Variants in NRXN1 observed in about 807,000 individuals in gnomAD.
NRXN1 encodes the protein neurexin 1, also known as neurexin-1.
Under a neutral mutation model 150.9 loss-of-function variants are expected in NRXN1, and 39 were observed. That is an observed-to-expected ratio of 0.26 (90% CI 0.20 to 0.34). The LOEUF is 0.34. Ranked by LOEUF, NRXN1 falls within the 10% of genes least tolerant of loss-of-function variation. NRXN1 has a pLI of 1.00. For missense variants in NRXN1, 1,815 were observed against 1,949.9 expected (o/e 0.93, Z 1.30); for synonymous variants, 924 against 757.0 (o/e 1.22, Z -3.62).
At chr2:50,107,168 A>C (rs1346554171) in intron 18 of NRXN1, among the ~76,000 whole-genome samples, 1 of 151,916 alleles carries the variant, frequency 6.6e-6, no homozygotes, top group Non-Finnish European at 1.5e-5. Context: ...AGCCTTTCAA[A>C]GGTATTGTTG....
intron 8 of NRXN1, among the ~76,000 whole-genome samples, chr2:50,593,064 C>T (rs1418445685): frequency 2.0e-5 from 3 of 152,230 alleles, no homozygotes; most frequent in African/African-American, 7.2e-5. Flanking sequence ...TGATGCTCTG[C>T]TCTCAATCAC....
At chr2:50,943,146 G>A (rs1161310225) in intron 2 of NRXN1, among the ~76,000 whole-genome samples, 1 of 151,896 alleles carries the variant, frequency 6.6e-6, no homozygotes, top group African/African-American at 2.4e-5. Flanking sequence ...TACTTCCCCT[G>A]CACCTTCTGC....
At chr2:50,791,082 ATGT>A (rs560317543) in intron 5 of NRXN1, among the ~76,000 whole-genome samples, 1 of 148,376 alleles carries the variant, frequency 6.7e-6, no homozygotes, top group African/African-American at 2.5e-5. Context: ...AAGTGGATTT[ATGT>A]TGTTTTTTTT....
At chr2:50,965,241 T>C (rs951089084) in intron 2 of NRXN1, among the ~76,000 whole-genome samples, 1 of 151,444 alleles carries the variant, frequency 6.6e-6, no homozygotes, top group East Asian at 1.9e-4. Flanking sequence ...GCTATTTTTA[T>C]CTCAAGGAGA....
chr2:50,462,100 A>G (rs1411477942), intron 17 of NRXN1, among the ~76,000 whole-genome samples: 1 of 151,902 alleles, frequency 6.6e-6, no homozygotes, highest in Non-Finnish European at 1.5e-5. Flanking sequence ...ATATATTTGA[A>G]ATTCTTCTGC....
At chr2:50,221,063 A>G (rs1351712947) in intron 18 of NRXN1, among the ~76,000 whole-genome samples, 1 of 151,900 alleles carries the variant, frequency 6.6e-6, no homozygotes, top group African/African-American at 2.4e-5. Context: ...TTTGTATTGG[A>G]TACACCTATT....
At chr2:50,401,905 C>A (rs1427882276) in intron 17 of NRXN1, among the ~76,000 whole-genome samples, 1 of 152,026 alleles carries the variant, frequency 6.6e-6, no homozygotes, top group South Asian at 2.1e-4. Flanking sequence ...TTCCTGGAAG[C>A]CCTAGTTCAG....
At chr2:50,987,356 C>G (rs1358294835) in intron 2 of NRXN1, among the ~76,000 whole-genome samples, 1 of 151,888 alleles carries the variant, frequency 6.6e-6, no homozygotes, top group Non-Finnish European at 1.5e-5. Context: ...TTTTCTTCTT[C>G]TAGATATTCA....
intron 5 of NRXN1, among the ~76,000 whole-genome samples, chr2:50,825,321 C>CATTCAT (rs1301128350): frequency 6.6e-6 from 1 of 152,188 alleles, no homozygotes; most frequent in Non-Finnish European, 1.5e-5. Context: ...TGAATGTTTG[C>CATTCAT]TGGCTGGCAG....
intron 18 of NRXN1, among the ~76,000 whole-genome samples, chr2:50,226,626 T>C (rs908331071): frequency 6.6e-6 from 1 of 151,920 alleles, no homozygotes; most frequent in Non-Finnish European, 1.5e-5. Flanking sequence ...TAAGTCTAGA[T>C]TGTGCATACA....
At chr2:50,828,275 A>AC (rs759716124) in intron 5 of NRXN1, among the ~76,000 whole-genome samples, 51 of 123,422 alleles carry the variant, frequency 4.1e-4, no homozygotes, top group South Asian at 1.1e-3. Flanking sequence ...CGGGGGGCTG[A>AC]CCCCCCCCAC....
At chr2:50,844,034 G>A (rs72889490) in intron 5 of NRXN1, among the ~76,000 whole-genome samples, 2,565 of 152,176 alleles carry the variant, frequency 0.017, 82 homozygotes, top group African/African-American at 0.058. Context: ...CTCACTGAAG[G>A]AAGCAATGTG....
At chr2:50,070,084 T>C (rs778771648) in intron 19 of NRXN1, among the ~76,000 whole-genome samples, 7 of 151,952 alleles carry the variant, frequency 4.6e-5, no homozygotes, top group Non-Finnish European at 7.4e-5. Context: ...TCTCCTGACC[T>C]TGCGATCTGC....
chr2:50,285,776 C>A (rs969717458), intron 17 of NRXN1, among the ~76,000 whole-genome samples: 5 of 151,980 alleles, frequency 3.3e-5, no homozygotes, highest in Non-Finnish European at 7.4e-5. Flanking sequence ...TGAAATTCAA[C>A]TTTACGAAAT....
At chr2:50,427,377 A>G (rs74880222) in intron 17 of NRXN1, among the ~76,000 whole-genome samples, 1 of 151,954 alleles carries the variant, frequency 6.6e-6, no homozygotes, top group African/African-American at 2.4e-5. Flanking sequence ...AAAAAAAAAA[A>G]AGCCCATAAC....
chr2:50,727,257 G>T (rs1697482425), intron 5 of NRXN1, among the ~76,000 whole-genome samples: 1 of 152,112 alleles, frequency 6.6e-6, no homozygotes, highest in South Asian at 2.1e-4. Flanking sequence ...GAAGTCATCT[G>T]TTAAACAATT....
chr2:50,100,279 C>A (rs73932932), intron 18 of NRXN1, among the ~76,000 whole-genome samples: 5,433 of 151,886 alleles, frequency 0.036, 336 homozygotes, highest in African/African-American at 0.12. Context: ...TGGGAAGAGC[C>A]CCTGCCTTGT....
At chr2:50,932,306 C>T (rs1390681618) in intron 2 of NRXN1, among the ~76,000 whole-genome samples, 2 of 151,842 alleles carry the variant, frequency 1.3e-5, no homozygotes, top group African/African-American at 4.8e-5. Flanking sequence ...GAGAATCATC[C>T]TTCCTTCCTG....
intron 18 of NRXN1, among the ~76,000 whole-genome samples, chr2:50,155,248 G>A (rs892332549): frequency 1.8e-4 from 27 of 151,468 alleles, no homozygotes; most frequent in African/African-American, 6.5e-4. Context: ...ATTTTTGTTA[G>A]TAAGTGAAGT....
Sources: allele counts gnomAD v4.1 joint callset (sites outside exome capture counted in the v4.1 genomes callset), GRCh38; gene constraint gnomAD v4.1.1; transcripts MANE v1.5; gene names NCBI Gene and HGNC (gene_info 2026-07-23, HGNC 2026-07-21).